The following ABCC1 variants were observed in gnomAD, a reference collection of about 807,000 sequenced individuals.
The protein encoded by ABCC1 is ATP binding cassette subfamily C member 1 (ABCC1 blood group).
ABCC1 carries 83 observed loss-of-function variants against 172.9 expected under a neutral mutation model. The ratio of observed to expected loss-of-function variants is 0.48; its 90% CI spans 0.40 to 0.58. The LOEUF is 0.58. ABCC1 is among the 20% of genes least tolerant of loss of function. The pLI is 0.00. For missense variants in ABCC1, 1,817 were observed against 2,002.7 expected (o/e 0.91, Z 1.77); for synonymous variants, 937 against 825.2 (o/e 1.14, Z -2.32).
chr16:16,020,450 A>G (rs2048156561), intron 5 of ABCC1, among the ~76,000 whole-genome samples: 1 of 152,180 alleles, frequency 6.6e-6, no homozygotes, highest in African/African-American at 2.4e-5. Flanking sequence ...CCAGTAGCCC[A>G]TGGGCCGAAT....
At chr16:16,009,027 T>C (rs1210541773) in intron 2 of ABCC1, among the ~76,000 whole-genome samples, 1 of 151,388 alleles carries the variant, frequency 6.6e-6, no homozygotes, top group Non-Finnish European at 1.5e-5. Context: ...CACAGCATAC[T>C]GCAACCTTGA....
chr16:15,950,895 C>T (rs2045855951), intron 1 of ABCC1, among the ~76,000 whole-genome samples: 1 of 152,104 alleles, frequency 6.6e-6, no homozygotes, highest in South Asian at 2.1e-4. Flanking sequence ...AAAAGTCATC[C>T]TCCAGGGCCC....
At chr16:15,970,193 T>A (rs1597062209) in intron 1 of ABCC1, among the ~76,000 whole-genome samples, 1 of 152,316 alleles carries the variant, frequency 6.6e-6, no homozygotes, top group East Asian at 1.9e-4. Flanking sequence ...GGCAGCTCTG[T>A]CCCCAAAATA....
At chr16:16,052,410 C>G (rs1029615651) in intron 10 of ABCC1, among the ~76,000 whole-genome samples, 1 of 150,496 alleles carries the variant, frequency 6.6e-6, no homozygotes, top group African/African-American at 2.5e-5. Flanking sequence ...GCCTGGGCAA[C>G]ATAGCGAGAC....
intron 5 of ABCC1, among the ~76,000 whole-genome samples, chr16:16,028,713 T>C (rs2048459884): frequency 6.6e-6 from 1 of 152,104 alleles, no homozygotes; most frequent in Non-Finnish European, 1.5e-5. Context: ...ATGGGCCTCA[T>C]GTCATTTGTC....
chr16:15,972,787 CTTTTTTTTTT>C (rs35086205), intron 1 of ABCC1, among the ~76,000 whole-genome samples: 989 of 89,382 alleles, frequency 0.011, 10 homozygotes, highest in African/African-American at 0.039. Context: ...TATTTTTTAA[CTTTTTTTTTT>C]TTTTTTTTTT....
intron 1 of ABCC1, among the ~76,000 whole-genome samples, chr16:15,965,297 T>A (rs1013949046): frequency 2.0e-5 from 3 of 151,276 alleles, no homozygotes; most frequent in Admixed American, 6.6e-5. Context: ...TTTTTTTTTT[T>A]ATTATTATTT....
At chr16:16,072,528 A>G (rs1296483555) in intron 14 of ABCC1, among the ~76,000 whole-genome samples, 1 of 146,050 alleles carries the variant, frequency 6.8e-6, no homozygotes, top group Non-Finnish European at 1.5e-5. Context: ...TGGAGAGACA[A>G]GGTCTTGCTT....
At chr16:15,994,733 G>C (rs957084668) in intron 1 of ABCC1, among the ~76,000 whole-genome samples, 1 of 151,772 alleles carries the variant, frequency 6.6e-6, no homozygotes, top group Admixed American at 6.6e-5. Context: ...CCTACCCCCT[G>C]CAGATTAATT....
intron 12 of ABCC1, among the ~76,000 whole-genome samples, chr16:16,064,384 G>A (rs1037249570): frequency 6.6e-5 from 10 of 152,166 alleles, no homozygotes; most frequent in Non-Finnish European, 1.3e-4. Flanking sequence ...TAGACTGTGC[G>A]TCTCAGGGTT....
intron 1 of ABCC1, among the ~76,000 whole-genome samples, chr16:15,976,125 G>A (rs772915493): frequency 1.6e-4 from 24 of 152,012 alleles, no homozygotes; most frequent in Non-Finnish European, 2.5e-4. Context: ...TCAATCAGGC[G>A]TGGTGATGGC....
At chr16:15,971,599 G>T (rs997054948) in intron 1 of ABCC1, among the ~76,000 whole-genome samples, 4 of 152,128 alleles carry the variant, frequency 2.6e-5, no homozygotes, top group African/African-American at 9.7e-5. Flanking sequence ...TTTGGGCGAC[G>T]ACTTCTTCTG....
intron 23 of ABCC1, 60 bp from the exon 24 acceptor site, chr16:16,121,915 C>T: frequency 6.4e-7 from 1 of 1,573,462 alleles, no homozygotes; most frequent in Non-Finnish European, 8.7e-7. Flanking sequence ...CACAGCCCTG[C>T]CCTGGGAGGA....
chr16:15,957,707 C>G (rs1352041606), intron 1 of ABCC1, among the ~76,000 whole-genome samples: 3 of 152,000 alleles, frequency 2.0e-5, no homozygotes, highest in Admixed American at 6.5e-5. Flanking sequence ...GCAATTCTGC[C>G]TCAGCCTCCC....
chr16:16,096,158 G>T (rs1279968741), intron 19 of ABCC1, among the ~76,000 whole-genome samples: 1 of 151,892 alleles, frequency 6.6e-6, no homozygotes, highest in Non-Finnish European at 1.5e-5. Flanking sequence ...GAATCCGGGG[G>T]GCAGAGCTTG....
intron 10 of ABCC1, among the ~76,000 whole-genome samples, chr16:16,050,980 C>T (rs1400665534): frequency 6.6e-6 from 1 of 151,972 alleles, no homozygotes; most frequent in Non-Finnish European, 1.5e-5. Flanking sequence ...AAAAGTGCTA[C>T]TATGGGAAAA....
chr16:16,056,335 T>C (rs2049653301), intron 12 of ABCC1, 40 bp downstream of exon 12: 1 of 1,607,770 alleles, frequency 6.2e-7, no homozygotes, highest in Admixed American at 1.7e-5. Context: ...CATTGTTTGA[T>C]GTTTTATTTT....
chr16:16,129,459 G>A (rs1304781086), intron 26 of ABCC1, among the ~76,000 whole-genome samples: 5 of 151,984 alleles, frequency 3.3e-5, no homozygotes, highest in Admixed American at 1.3e-4. Context: ...GACGATCCTG[G>A]GCAACATGGT....
intron 1 of ABCC1, among the ~76,000 whole-genome samples, chr16:15,964,687 A>C (rs2046207308): frequency 1.3e-5 from 2 of 151,078 alleles, no homozygotes; most frequent in African/African-American, 4.9e-5. Context: ...TTAATTTTTA[A>C]ATTTATTTTT....
Sources: gnomAD v4.1 joint callset for allele counts (sites outside exome capture counted in the v4.1 genomes callset) on GRCh38, gnomAD v4.1.1 for gene constraint, MANE v1.5 for transcripts, NCBI Gene and HGNC (gene_info 2026-07-23, HGNC 2026-07-21) for gene names.